POLR3B: variants seen among roughly 807,000 people sequenced by gnomAD.
The protein encoded by POLR3B is RNA polymerase III subunit B.
In POLR3B, 96 loss-of-function variants were observed where a neutral mutation model predicts 147.4. The observed-to-expected ratio is 0.65, with a 90% confidence interval of 0.55 to 0.77. POLR3B has a LOEUF of 0.77. Ranked by LOEUF, POLR3B falls within the 30% of genes least tolerant of loss-of-function variation. The pLI, the probability that POLR3B is intolerant of heterozygous loss-of-function variation, is 0.00. For missense variants in POLR3B, 1,036 were observed against 1,413.5 expected, an observed-to-expected ratio of 0.73 and a Z score of 4.28; for synonymous variants, 461 against 485.9, an observed-to-expected ratio of 0.95 and a Z score of 0.67.
chr12:106,406,440 T>G (rs920336660), intron 11 of POLR3B, among the ~76,000 whole-genome samples: 4 of 152,226 alleles, frequency 2.6e-5, no homozygotes, highest in African/African-American at 9.6e-5. Flanking sequence ...TAACATAAAG[T>G]TTACTGTTTT....
chr12:106,406,006 G>T, intron 11 of POLR3B, 30 bp downstream of exon 11: 1 of 1,611,832 alleles, frequency 6.2e-7, no homozygotes, highest in South Asian at 1.1e-5. Flanking sequence ...TGTGAATAAG[G>T]ACTGTGGGGT....
At chr12:106,418,224 G>A (rs1593030110) in intron 12 of POLR3B, among the ~76,000 whole-genome samples, 1 of 152,272 alleles carries the variant, frequency 6.6e-6, no homozygotes, top group East Asian at 1.9e-4. Flanking sequence ...TTTCGGTAAT[G>A]TGTTCATTAT....
At chr12:106,366,115 AATC>A (rs955781404) in intron 2 of POLR3B, among the ~76,000 whole-genome samples, 73 of 152,210 alleles carry the variant, frequency 4.8e-4, no homozygotes, top group Middle Eastern at 3.4e-3. Context: ...TATGAAATCA[AATC>A]AAGTTGTAAG....
chr12:106,377,255 T>A lies in POLR3B; in HGVS notation c.496+805T>A, dbSNP rs180800457. 1.1e-3 allele frequency among the ~76,000 whole-genome samples: 161 copies of A among 152,370 alleles called. 4 individuals are homozygous for A. The East Asian group carries it at 0.017, about 16-fold the overall frequency. On this transcript the variant is annotated intron_variant, in intron 7 of 27. Transcript: ENST00000228347. The stretch of plus-strand genomic sequence containing the variant: ...CTTAGAACTTAACAAAAAGTTTCTC[T>A]TAGTTCTTTAACTCGTATTTCACAT...
At chr12:106,507,271 T>G (rs190972678) in intron 27 of POLR3B, among the ~76,000 whole-genome samples, 28 of 152,324 alleles carry the variant, frequency 1.8e-4, no homozygotes, top group African/African-American at 6.5e-4. Flanking sequence ...GTTTCTACCT[T>G]TGCAAATTGT....
intron 1 of POLR3B, among the ~76,000 whole-genome samples, chr12:106,362,500 C>G (rs1430263211): frequency 1.3e-5 from 2 of 152,142 alleles, no homozygotes; most frequent in East Asian, 3.8e-4. Context: ...TGCTCTGGGC[C>G]GTCCCCTACT....
intron 25 of POLR3B, among the ~76,000 whole-genome samples, chr12:106,500,436 T>G (rs2038580632): frequency 6.6e-6 from 1 of 151,674 alleles, no homozygotes; most frequent in South Asian, 2.1e-4. Context: ...GGAGACAAAG[T>G]GCTTATCCTT....
At chr12:106,485,343 A>G (rs1227380065) in intron 23 of POLR3B, among the ~76,000 whole-genome samples, 1 of 152,182 alleles carries the variant, frequency 6.6e-6, no homozygotes, top group Non-Finnish European at 1.5e-5. Context: ...AAATCTCAAC[A>G]TGAGTTTTTG....
Position 106,509,654 on chromosome 12 carries a change from T to A in POLR3B, c.*105T>A. 2 of 1,068,406 alleles carry A rather than the reference T, an allele frequency of 1.9e-6. No homozygotes were observed. The highest frequency in any genetic ancestry group is 2.8e-6 in the Non-Finnish European group (2 of 715,922). The allele number at this position is 1,068,406 out of a possible 1,614,324, so 66.2% of individuals were successfully genotyped here. On this transcript the variant is annotated 3_prime_UTR_variant, in exon 28 of 28. Transcript: ENST00000228347. ...TCCTCCTGTGAAGAATTCCCTTGCGTATTCTCTCTCTAAAACAACCAAAAA... is the reference window on the plus strand; with the variant it reads ...TCCTCCTGTGAAGAATTCCCTTGCGAATTCTCTCTCTAAAACAACCAAAAA...
intron 24 of POLR3B, 81 bp downstream of exon 24, chr12:106,496,239 G>T: frequency 1.1e-6 from 1 of 889,554 alleles, no homozygotes; most frequent in Non-Finnish European, 1.9e-6. Context: ...GAGTGGAGGT[G>T]ACGAGGACTC....
At chr12:106,450,972 G>A (rs543013264) in intron 19 of POLR3B, among the ~76,000 whole-genome samples, 109 of 152,220 alleles carry the variant, frequency 7.2e-4, no homozygotes, top group Non-Finnish European at 1.1e-3. Flanking sequence ...ATGGATAAAC[G>A]AAGTGTATAT....
rs547214668 is a variant in POLR3B, at chr12:106,394,170, C to T, written c.846+1017C>T. 6.4e-4 allele frequency among the ~76,000 whole-genome samples: 98 copies of T among 152,064 alleles called. 1 individual carries two copies. The highest frequency in any genetic ancestry group is 1.0e-4 in the Non-Finnish European group (7 of 67,998). Reference sequence around the variant, plus strand: ...GACTACACTAGATATTTAGGAAGATCGAAATAGGTCAGTATATATATATAA... The same window carrying T: ...GACTACACTAGATATTTAGGAAGATTGAAATAGGTCAGTATATATATATAA... On this transcript the variant is annotated intron_variant, in intron 10 of 27. Transcript: ENST00000228347.
intron 11 of POLR3B, among the ~76,000 whole-genome samples, chr12:106,409,353 T>TG (rs1332799626): frequency 7.0e-6 from 1 of 142,370 alleles, no homozygotes; most frequent in Non-Finnish European, 1.5e-5. Context: ...AGGGTTTTTT[T>TG]TGTTTTTTTT....
intron 11 of POLR3B, among the ~76,000 whole-genome samples, chr12:106,409,308 C>G (rs1332470134): frequency 1.7e-5 from 2 of 119,752 alleles, no homozygotes; most frequent in Non-Finnish European, 3.4e-5. Context: ...AGTTTTTCTG[C>G]TTGGTTTTGT....
chr12:106,497,004 G>T, intron 25 of POLR3B, 86 bp downstream of exon 25: 1 of 1,349,240 alleles, frequency 7.4e-7, no homozygotes, highest in Non-Finnish European at 1.0e-6. Flanking sequence ...ACTCTATTAA[G>T]TATACCTTCA....
chr12:106,368,057 C>T (rs1342233922), intron 4 of POLR3B, among the ~76,000 whole-genome samples: 1 of 151,766 alleles, frequency 6.6e-6, no homozygotes, highest in Admixed American at 6.6e-5. Context: ...TGAGTACTAT[C>T]ATATATATAT....
chr12:106,462,174 C>T (rs549543794), intron 22 of POLR3B, among the ~76,000 whole-genome samples: 3 of 152,338 alleles, frequency 2.0e-5, no homozygotes, highest in East Asian at 3.9e-4. Flanking sequence ...GCCCTCTGCT[C>T]TGCCTGGAGT....
intron 25 of POLR3B, among the ~76,000 whole-genome samples, chr12:106,500,617 CTG>C (rs1565917473): frequency 2.0e-5 from 3 of 152,202 alleles, no homozygotes; most frequent in Admixed American, 1.3e-4. Context: ...GAAAGTCTCT[CTG>C]AGCAGGTGAA....
intron 10 of POLR3B, among the ~76,000 whole-genome samples, chr12:106,397,532 A>C (rs764454237): frequency 6.6e-6 from 1 of 152,144 alleles, no homozygotes; most frequent in Non-Finnish European, 1.5e-5. Context: ...TGATTTTTGC[A>C]CCATAGATTA....
Sources: gnomAD v4.1 joint callset for allele counts (sites outside exome capture counted in the v4.1 genomes callset) on GRCh38, gnomAD v4.1.1 for gene constraint, MANE v1.5 for transcripts, NCBI Gene and HGNC (gene_info 2026-07-23, HGNC 2026-07-21) for gene names.